Variants in ZNF331 observed in about 807,000 individuals in gnomAD.
ZNF331 encodes the protein zinc finger protein 331, also known as C2H2-like zinc finger protein rearranged in thyroid adenomas.
In ZNF331, 2 loss-of-function variants were observed where a neutral mutation model predicts 7.0. That is an observed-to-expected ratio of 0.29 (90% CI 0.12 to 0.90). ZNF331 has a LOEUF of 0.90. Among genes scored for constraint, ZNF331 ranks in the 40% least tolerant of loss-of-function variants. The pLI, the probability that ZNF331 is intolerant of heterozygous loss-of-function variation, is 0.58. For missense variants in ZNF331, 432 were observed against 587.7 expected (o/e 0.74, Z 2.74); for synonymous variants, 196 against 205.4 (o/e 0.95, Z 0.39).
chr19:53,537,853 G>T (rs73051518), upstream of ZNF331: 11,038 of 152,412 alleles, frequency 0.072, 529 homozygotes, highest in Non-Finnish European at 0.11. Flanking sequence ...CTGTGCAGGC[G>T]CACGTGTGTG....
chr19:53,520,468 T>G (rs1409267635), upstream of ZNF331, among the ~76,000 whole-genome samples: 2 of 152,146 alleles, frequency 1.3e-5, no homozygotes, highest in African/African-American at 4.8e-5. Flanking sequence ...CCCAGGAATT[T>G]TTTGTGGTGC....
the ZNF331 span, among the ~76,000 whole-genome samples, chr19:53,512,925 C>T: frequency 6.7e-6 from 1 of 150,296 alleles, no homozygotes; most frequent in African/African-American, 2.4e-5. Flanking sequence ...CAAACCAGTC[C>T]CTGGTGCCAA....
At chr19:53,548,304 G>C (rs1022810836) in intron 2 of ZNF331, among the ~76,000 whole-genome samples, 10 of 152,030 alleles carry the variant, frequency 6.6e-5, no homozygotes, top group African/African-American at 2.2e-4. Flanking sequence ...GTAGAGACAG[G>C]GTTTCACCCT....
chr19:53,578,073 A>G lies in ZNF331; in HGVS notation c.*121A>G. The G allele has an allele frequency of 1.6e-6, 2 of 1,255,188 alleles. No homozygotes were observed. The highest frequency in any genetic ancestry group is 2.1e-6 in the Non-Finnish European group (2 of 932,108). The allele number at this position is 1,255,188 out of a possible 1,614,324, so 77.8% of individuals were successfully genotyped here. ...AAAATTCCAGAAATAAAGAATTTTA[A>G]GTCTCAAATGGTGTGCCCTTCTGAG... On this transcript the variant is annotated 3_prime_UTR_variant, in exon 6 of 6. Transcript: ENST00000449416.
rs1035592034 is a variant in ZNF331 at position 53,573,299 on chromosome 19, G to A, written c.136+1569G>A. Among the ~76,000 whole-genome samples, 3 of 151,902 alleles carry A rather than the reference G, an allele frequency of 2.0e-5. No individual in the cohort carries two copies. Among genetic ancestry groups the A allele is most frequent in the Non-Finnish European group, 4.4e-5 (3 of 67,998 alleles). ...TGGCAGGCCAAGGCAGACGGATCAC[G>A]AAGATAGGAGTTCGAGACCAGCTTG... On this transcript the variant is annotated intron_variant, in intron 5 of 5. Transcript: ENST00000449416. This position sits in a 1 kb window ranked among gnomAD's most constrained non-coding sequence, Gnocchi z 4.2.
the ZNF331 span, among the ~76,000 whole-genome samples, chr19:53,507,077 G>A: frequency 2.0e-5 from 3 of 152,094 alleles, 1 homozygote; most frequent in South Asian, 6.2e-4. Context: ...TCTGTTTTCC[G>A]GGGCAGGCTT....
chr19:53,518,093 C>T (rs2086946857), upstream of ZNF331, among the ~76,000 whole-genome samples: 2 of 152,146 alleles, frequency 1.3e-5, no homozygotes, highest in East Asian at 1.9e-4. Context: ...GACCCACCCT[C>T]GATGTAGGTG....
upstream of ZNF331, chr19:53,537,937 C>G (rs893718891): frequency 6.6e-6 from 1 of 152,000 alleles, no homozygotes; most frequent in Admixed American, 6.6e-5. Flanking sequence ...TCTGTGTGCC[C>G]GCACAGGCAC....
the ZNF331 span, among the ~76,000 whole-genome samples, chr19:53,508,770 C>G: frequency 6.6e-6 from 1 of 152,196 alleles, no homozygotes; most frequent in African/African-American, 2.4e-5. Flanking sequence ...TTATGGGACT[C>G]AAAGTTAGTT....
chr19:53,576,623 G>C, intron 5 of ZNF331, 74 bp from the exon 6 acceptor site: 1 of 1,326,964 alleles, frequency 7.5e-7, no homozygotes, highest in Non-Finnish European at 1.0e-6. Flanking sequence ...TATTAGACGA[G>C]TTTTTGGTTT....
At chr19:53,556,125 C>T (rs1241592865) in intron 3 of ZNF331, among the ~76,000 whole-genome samples, 3 of 151,310 alleles carry the variant, frequency 2.0e-5, no homozygotes, top group Non-Finnish European at 4.4e-5. Flanking sequence ...CGCCTGTAGT[C>T]CCAGCTACTC....
chr19:53,527,279 A>G (rs1405715586), intron 2 of ZNF331, among the ~76,000 whole-genome samples: 1 of 152,208 alleles, frequency 6.6e-6, no homozygotes, highest in Non-Finnish European at 1.5e-5. Flanking sequence ...GGTACCTTGT[A>G]GTTATTAATA....
chr19:53,558,115 C>T lies in ZNF331; in HGVS notation c.-74+2207C>T, dbSNP rs2089552274. Among the ~76,000 whole-genome samples the T allele has an allele frequency of 6.6e-6, 1 of 152,124 alleles. No homozygotes were observed. The highest frequency in any genetic ancestry group is 2.4e-5 in the African/African-American group (1 of 41,424). On this transcript the variant is annotated intron_variant, in intron 3 of 5. Transcript: ENST00000449416. This position sits in a 1 kb window ranked among gnomAD's most constrained non-coding sequence, Gnocchi z 4.5. ...GTGAGCAAGACTGTCCCACTCTGCC[C>T]CACTAGCCACAAGACCAGGCCTCTG...
At position 53,577,622 on chromosome 19, in the gene ZNF331, G is replaced by T. The variant is rs776670996; in HGVS notation, c.1062G>T (p.Pro354=). Residue 354 remains proline (P), a synonymous_variant, in exon 6 of 6, where the codon CCG becomes CCT. Transcript: ENST00000449416. ...KHERIHTGEK[P]YKCTECGKAF... The stretch of plus-strand genomic sequence containing the variant: ...AGAGGATACATACGGGCGAGAAGCC[G>T]TACAAGTGCACAGAATGTGGGAAGG... 1 of 1,613,050 alleles carries T rather than the reference G, an allele frequency of 6.2e-7. No individual in the cohort carries two copies. Among genetic ancestry groups the T allele is most frequent in the Non-Finnish European group, 8.5e-7 (1 of 1,179,822 alleles).
chr19:53,546,502 C>T (rs970987625), intron 2 of ZNF331, among the ~76,000 whole-genome samples: 1 of 147,990 alleles, frequency 6.8e-6, no homozygotes, highest in Non-Finnish European at 1.5e-5. Context: ...GCTGTGTGCT[C>T]TGGTTTTCTA....
chr19:53,566,126 G>C (rs961395314), intron 3 of ZNF331, among the ~76,000 whole-genome samples: 1 of 152,008 alleles, frequency 6.6e-6, no homozygotes, highest in Non-Finnish European at 1.5e-5. Flanking sequence ...CTGAGGGAGA[G>C]GTTGCATAGG....
chr19:53,562,466 G>A (rs2089940306), intron 3 of ZNF331, among the ~76,000 whole-genome samples: 1 of 152,132 alleles, frequency 6.6e-6, no homozygotes, highest in Non-Finnish European at 1.5e-5. Context: ...AAAGCGGGTG[G>A]ATCACCTGAG....
chr19:53,515,019 G>A (rs1196438837), upstream of ZNF331, among the ~76,000 whole-genome samples: 3 of 152,166 alleles, frequency 2.0e-5, no homozygotes, highest in Non-Finnish European at 2.9e-5. Flanking sequence ...CATCCTCAGA[G>A]AAGCTTTCCA....
chr19:53,513,116 C>A, the ZNF331 span, among the ~76,000 whole-genome samples: 4 of 151,424 alleles, frequency 2.6e-5, no homozygotes, highest in Non-Finnish European at 5.9e-5. Flanking sequence ...GCTGCATCCT[C>A]TTCTGTCCCC....
Sources: allele counts gnomAD v4.1 joint callset (sites outside exome capture counted in the v4.1 genomes callset), GRCh38; gene constraint gnomAD v4.1.1; non-coding constraint Gnocchi (gnomAD v3.1); transcripts MANE v1.5; gene names NCBI Gene and HGNC (gene_info 2026-07-23, HGNC 2026-07-21).